Variants in RBFOX1 observed in about 807,000 individuals in gnomAD.
The protein encoded by RBFOX1 is RNA binding fox-1 homolog 1, also known as RNA binding protein fox-1 homolog 1.
RBFOX1 carries 8 observed loss-of-function variants against 57.7 expected under a neutral mutation model. The observed-to-expected ratio is 0.14, with a 90% confidence interval of 0.08 to 0.25. RBFOX1 has a LOEUF of 0.25. RBFOX1 is among the 10% of genes least tolerant of loss of function. RBFOX1 has a pLI of 1.00. For synonymous variants in RBFOX1, 326 were observed against 222.4 expected, an observed-to-expected ratio of 1.47 and a Z score of -4.15; for missense variants, 611 against 548.5, an observed-to-expected ratio of 1.11 and a Z score of -1.14.
chr16:5,963,530 A>C (rs1295528188), intron 4 of RBFOX1, among the ~76,000 whole-genome samples: 3 of 152,240 alleles, frequency 2.0e-5, no homozygotes, highest in African/African-American at 7.2e-5. Context: ...ATAGTAATTA[A>C]AACACTATGG....
intron 1 of RBFOX1, among the ~76,000 whole-genome samples, chr16:5,339,624 A>G (rs1372799690): frequency 2.0e-5 from 3 of 151,548 alleles, no homozygotes; most frequent in Admixed American, 6.6e-5. Flanking sequence ...GATTACAGGT[A>G]TGTGCTACCA....
intron 3 of RBFOX1, among the ~76,000 whole-genome samples, chr16:6,791,662 G>A (rs1164515792): frequency 1.3e-5 from 2 of 152,162 alleles, no homozygotes; most frequent in African/African-American, 4.8e-5. Flanking sequence ...GGGAGGCTGA[G>A]GCAGGAGAAT....
At chr16:7,029,399 G>C (rs1446594743) in intron 3 of RBFOX1, among the ~76,000 whole-genome samples, 1 of 151,240 alleles carries the variant, frequency 6.6e-6, no homozygotes. Flanking sequence ...GAAGAAACAT[G>C]AGTCTTCAGT....
chr16:7,539,596 A>C (rs1463050478), intron 5 of RBFOX1, among the ~76,000 whole-genome samples: 1 of 152,220 alleles, frequency 6.6e-6, no homozygotes, highest in Non-Finnish European at 1.5e-5. Flanking sequence ...GATGAGTTGT[A>C]ATCTTCTACA....
At chr16:5,539,114 G>T (rs761044205) in intron 2 of RBFOX1, among the ~76,000 whole-genome samples, 5 of 152,146 alleles carry the variant, frequency 3.3e-5, no homozygotes, top group African/African-American at 7.2e-5. Flanking sequence ...CTTTCCGAGG[G>T]CACGTAATTC....
chr16:7,462,644 G>A (rs1225649142), intron 4 of RBFOX1, among the ~76,000 whole-genome samples: 2 of 152,316 alleles, frequency 1.3e-5, no homozygotes, highest in African/African-American at 4.8e-5. Flanking sequence ...TTTCTTACTA[G>A]GGGTTGTGAG....
chr16:5,676,726 G>A (rs1256592530), intron 3 of RBFOX1, among the ~76,000 whole-genome samples: 1 of 152,128 alleles, frequency 6.6e-6, no homozygotes, highest in African/African-American at 2.4e-5. Context: ...GCCAGTTGTG[G>A]CAGCACATGC....
At chr16:6,896,443 C>G (rs777194984) in intron 3 of RBFOX1, among the ~76,000 whole-genome samples, 5 of 152,128 alleles carry the variant, frequency 3.3e-5, no homozygotes, top group Non-Finnish European at 7.3e-5. Context: ...GCCCTGGTAA[C>G]TATCCTTCTA....
chr16:6,782,281 C>T (rs915589539), intron 3 of RBFOX1, among the ~76,000 whole-genome samples: 1 of 152,042 alleles, frequency 6.6e-6, no homozygotes, highest in African/African-American at 2.4e-5. Flanking sequence ...TTTTGTTTTC[C>T]TTTTTTGATA....
chr16:6,091,475 T>G (rs2096172874), intron 1 of RBFOX1, among the ~76,000 whole-genome samples: 1 of 152,206 alleles, frequency 6.6e-6, no homozygotes, highest in African/African-American at 2.4e-5. Context: ...GGTCTATATC[T>G]ATTTTATTGT....
Position 7,427,078 on chromosome 16 carries a change from C to T in RBFOX1, c.28-91069C>T, listed in dbSNP as rs140819973. ...GAACTGAACAATGAGAACACTTGGA[C>T]ACAAGGTGGGGAACATCGTGTGACC... On this transcript the variant is annotated intron_variant, in intron 4 of 15. Coordinates refer to ENST00000550418, the MANE Select transcript of RBFOX1 (RefSeq NM_018723.4). 2.7e-3 allele frequency among the ~76,000 whole-genome samples: 414 copies of T among 152,246 alleles called. 1 individual carries two copies. Among genetic ancestry groups the T allele is most frequent in the African/African-American group, 9.8e-3 (407 of 41,542 alleles).
At chr16:5,951,409 C>G (rs2059517513) in intron 4 of RBFOX1, among the ~76,000 whole-genome samples, 1 of 152,134 alleles carries the variant, frequency 6.6e-6, no homozygotes, top group South Asian at 2.1e-4. Flanking sequence ...GATGGCACCA[C>G]TGCATTCCAG....
chr16:5,339,546 A>C (rs1258232621), intron 1 of RBFOX1, among the ~76,000 whole-genome samples: 2 of 126,760 alleles, frequency 1.6e-5, no homozygotes, highest in Non-Finnish European at 3.1e-5. Flanking sequence ...GCAGTGTCAC[A>C]ATCTTAGCTC....
At chr16:6,764,458 G>A (rs9924637) in intron 3 of RBFOX1, among the ~76,000 whole-genome samples, 3 of 152,058 alleles carry the variant, frequency 2.0e-5, no homozygotes, top group African/African-American at 7.3e-5. Context: ...ACAACTCTTT[G>A]TCTTCTCTCC....
intron 3 of RBFOX1, among the ~76,000 whole-genome samples, chr16:6,873,157 G>A (rs1312328916): frequency 1.3e-5 from 2 of 150,856 alleles, no homozygotes; most frequent in Non-Finnish European, 2.9e-5. Context: ...CTCTATAGCA[G>A]ACTTTCCTCC....
Position 7,416,097 on chromosome 16 carries a change from A to G in RBFOX1, c.28-102050A>G, listed in dbSNP as rs569591911. Among the ~76,000 whole-genome samples, 121 of 152,250 alleles carry G rather than the reference A, an allele frequency of 7.9e-4. 1 individual carries two copies. Among genetic ancestry groups the G allele is most frequent in the Non-Finnish European group, 2.2e-4 (15 of 68,014 alleles). On this transcript the variant is annotated intron_variant, in intron 4 of 15. Coordinates refer to ENST00000550418, the MANE Select transcript of RBFOX1 (RefSeq NM_018723.4). ...TTCTTATTAAACCTCCAGCCCCCCA[A>G]TCTGAAACGATTGCTCCCATTTTGT...
chr16:5,303,834 G>A (rs899181677), intron 1 of RBFOX1, among the ~76,000 whole-genome samples: 32 of 151,838 alleles, frequency 2.1e-4, no homozygotes, highest in Non-Finnish European at 4.4e-4. Context: ...AAGCTGAGAT[G>A]CCTTTTTTCC....
chr16:5,596,193 C>G (rs1485425279), intron 2 of RBFOX1, among the ~76,000 whole-genome samples: 1 of 152,162 alleles, frequency 6.6e-6, no homozygotes, highest in Non-Finnish European at 1.5e-5. Flanking sequence ...GGAATTTCAT[C>G]TGGTAGCTAG....
At chr16:6,671,133 C>T (rs903067382) in intron 3 of RBFOX1, among the ~76,000 whole-genome samples, 1 of 152,164 alleles carries the variant, frequency 6.6e-6, no homozygotes, top group African/African-American at 2.4e-5. Flanking sequence ...CTCATTATTT[C>T]TTATTATTCC....
Sources: gnomAD v4.1 joint callset for allele counts (sites outside exome capture counted in the v4.1 genomes callset) on GRCh38, gnomAD v4.1.1 for gene constraint, MANE v1.5 for transcripts, NCBI Gene and HGNC (gene_info 2026-07-23, HGNC 2026-07-21) for gene names.